Variants in FBF1 observed in about 807,000 individuals in gnomAD.
FBF1 encodes the protein Fas binding factor 1.
In FBF1, 119 loss-of-function variants were observed where a neutral mutation model predicts 147.2. The ratio of observed to expected loss-of-function variants is 0.81; its 90% CI spans 0.70 to 0.94. FBF1 has a LOEUF of 0.94. FBF1 is among the 40% of genes least tolerant of loss of function. The probability of loss-of-function intolerance (pLI) is 0.00; values close to 1 mark genes in which losing one functional copy is unlikely to be tolerated. For missense variants in FBF1, 1,449 were observed against 1,500.8 expected (o/e 0.97, Z 0.57); for synonymous variants, 601 against 609.0 (o/e 0.99, Z 0.19).
In FBF1 at chr17:75,915,002, G is replaced by C. The variant is rs535482231; in HGVS notation, c.2628+15C>G. The C allele has an allele frequency of 6.2e-7, 1 of 1,612,924 alleles. No homozygotes were observed. The highest frequency in any genetic ancestry group is 8.5e-7 in the Non-Finnish European group (1 of 1,179,670). On this transcript the variant is annotated intron_variant, in intron 24 of 29. Transcript: ENST00000636174. ...AATGGCAGGGGCAGGGGCTGAGTGC[G>C]GTGGCTTGACTCACCTTGGCCCGTT...
intron 1 of FBF1, among the ~76,000 whole-genome samples, chr17:75,940,355 C>T (rs1200473914): frequency 6.6e-6 from 1 of 151,936 alleles, no homozygotes; most frequent in African/African-American, 2.4e-5. Flanking sequence ...TGGGCTCAGG[C>T]GATCCTCCAA....
At position 75,919,990 on chromosome 17, in the gene FBF1, G is replaced by T. The variant is rs1460026328; in HGVS notation, c.1931+17C>A. The T allele has an allele frequency of 2.5e-6, 4 of 1,609,014 alleles. No individual in the cohort carries two copies. The highest frequency in any genetic ancestry group is 3.4e-6 in the Non-Finnish European group (4 of 1,177,422). On this transcript the variant is annotated intron_variant, in intron 19 of 29. Transcript: ENST00000636174. This position sits in a 1 kb window ranked among gnomAD's most constrained non-coding sequence, Gnocchi z 5.0. Reference sequence around the variant, plus strand: ...AGTGTGAGATCCAAGGCAGAGCTGGGGCCAGCGCCAGGGTACCTGTGTGCA... The same window carrying T: ...AGTGTGAGATCCAAGGCAGAGCTGGTGCCAGCGCCAGGGTACCTGTGTGCA...
At chr17:75,920,198 G>A in intron 18 of FBF1, 76 bp downstream of exon 18, 1 of 1,589,774 alleles carries the variant, frequency 6.3e-7, no homozygotes, top group Non-Finnish European at 8.6e-7. Context: ...CCCTCCTGGG[G>A]AAGCTTCCAG....
At chr17:75,924,881 T>G (rs2144176500) in intron 13 of FBF1, among the ~76,000 whole-genome samples, 1 of 152,298 alleles carries the variant, frequency 6.6e-6, no homozygotes, top group South Asian at 2.1e-4. Flanking sequence ...ATTTTTTTTT[T>G]TGTAAACTGA....
At chr17:75,916,825 G>A (rs2065491834) in intron 23 of FBF1, among the ~76,000 whole-genome samples, 1 of 152,166 alleles carries the variant, frequency 6.6e-6, no homozygotes, top group African/African-American at 2.4e-5. Flanking sequence ...ACCACACCCA[G>A]TTAATTAAAA....
Position 75,915,091 on chromosome 17 carries a change from G to A in FBF1, c.2554C>T (p.Arg852Cys), listed in dbSNP as rs565958072. The change falls in exon 24 of 30, where the codon CGC (arginine) becomes TGC (cysteine). Residue 852 changes from arginine (R) to cysteine (C), a missense_variant. Physicochemically the swap from Arg to Cys is radical, Grantham distance 180 (BLOSUM62 -3). Coordinates refer to ENST00000636174, the MANE Select transcript of FBF1 (RefSeq NM_001319193.2). ...ACCTTCCTTTGCTCCTCTAGGGCGC[G>A]CTGCATGGACTCCGCCTTGGACTGC... ...AEQSKAESMQ[R>C]ALEEQRKVTA... 3 of 1,612,664 alleles carry A rather than the reference G, an allele frequency of 1.9e-6. No individual in the cohort carries two copies. Among genetic ancestry groups the A allele is most frequent in the African/African-American group, 1.3e-5 (1 of 75,022 alleles).
intron 4 of FBF1, among the ~76,000 whole-genome samples, chr17:75,935,259 G>A (rs2144196036): frequency 6.6e-6 from 1 of 152,030 alleles, no homozygotes; most frequent in South Asian, 2.1e-4. Flanking sequence ...CCGCCTCCTG[G>A]GTTCAAGTGA....
chr17:75,921,760 G>C (rs117690091), intron 15 of FBF1, among the ~76,000 whole-genome samples, 185 bp downstream of exon 15: 2 of 148,068 alleles, frequency 1.4e-5, no homozygotes, highest in Non-Finnish European at 3.0e-5. Flanking sequence ...GGTGGGACAC[G>C]GGGATGGGGC....
intron 23 of FBF1, among the ~76,000 whole-genome samples, chr17:75,916,928 G>A (rs2065492460): frequency 6.6e-6 from 1 of 152,224 alleles, no homozygotes; most frequent in African/African-American, 2.4e-5. Context: ...TCCACTCACT[G>A]CAGCCTCTGT....
chr17:75,940,921 C>G lies in FBF1; in HGVS notation c.-157G>C, dbSNP rs1421486580. ...TCTCAGCCCCGGAAGCCTCCTGTTA[C>G]GCGCCGTGCCCCCGGAGGTGCGGCC... On this transcript the variant is annotated 5_prime_UTR_variant, in exon 1 of 30. Transcript: ENST00000636174. 6.5e-6 allele frequency: 1 copy of G among 153,166 alleles called. No homozygotes were observed. Among genetic ancestry groups the G allele is most frequent in the East Asian group, 1.9e-4 (1 of 5,196 alleles). The allele number at this position is 153,166 out of a possible 1,614,324, so 9.5% of individuals were successfully genotyped here.
intron 4 of FBF1, 141 bp downstream of exon 4, chr17:75,935,491 G>A (rs955522092): frequency 3.8e-6 from 3 of 797,234 alleles, no homozygotes; most frequent in Non-Finnish European, 5.8e-6. Context: ...AGTGGCTTAT[G>A]CCTGTAATCC....
intron 4 of FBF1, 70 bp from the exon 5 acceptor site, chr17:75,933,158 C>T: frequency 8.1e-7 from 1 of 1,228,758 alleles, no homozygotes; most frequent in Non-Finnish European, 1.2e-6. Flanking sequence ...CAAAGGCTGG[C>T]AAGCTCCCTT....
rs540560428 is a variant in FBF1, at chr17:75,910,125, C to G, written c.*598G>C. The G allele has an allele frequency of 1.8e-4, 87 of 495,078 alleles. No homozygotes were observed. The highest frequency in any genetic ancestry group is 1.4e-3 in the South Asian group (86 of 59,996). 30.7% of individuals were successfully genotyped at this position (495,078 alleles called of 1,614,324 possible). A position where few individuals can be genotyped will look rare whatever the true frequency, so the allele number is the denominator to read the frequency against. ...AAACTGGTTGGTCCTTCGGGCAATGCTGGGAATAGGGTGGGGGCTCTGGGC... is the reference window on the plus strand; with the variant it reads ...AAACTGGTTGGTCCTTCGGGCAATGGTGGGAATAGGGTGGGGGCTCTGGGC... On this transcript the variant is annotated 3_prime_UTR_variant, in exon 30 of 30. Coordinates refer to ENST00000636174, the MANE Select transcript of FBF1 (RefSeq NM_001319193.2). The surrounding 1 kb of genome is among the most constrained non-coding windows in gnomAD (Gnocchi z 4.1).
At position 75,937,744 on chromosome 17, in the gene FBF1, CTA is replaced by C; in HGVS notation, c.4-153_4-152del. The stretch of plus-strand genomic sequence containing the variant: ...AGAGATGTAAGTCCTTTATGTGTTC[CTA>C]TAGTTTCTGAGAACGGACTCATTCA... On this transcript the variant is annotated intron_variant, in intron 2 of 29. Coordinates refer to ENST00000636174, the MANE Select transcript of FBF1 (RefSeq NM_001319193.2). 1.3e-5 allele frequency: 11 copies of C among 824,066 alleles called. No homozygotes were observed. In the South Asian group the frequency reaches 1.5e-4, roughly 11 times the overall value. The allele number at this position is 824,066 out of a possible 1,614,324, so 51.0% of individuals were successfully genotyped here.
Position 75,914,132 on chromosome 17 carries a change from C to T in FBF1, c.2981G>A (p.Ser994Asn), listed in dbSNP as rs745639394. The T allele has an allele frequency of 1.2e-6, 2 of 1,601,398 alleles. No individual in the cohort carries two copies. The highest frequency in any genetic ancestry group is 1.7e-5 in the Admixed American group (1 of 58,972). ...RVKLRAEEVE[S>N]MSKVASEKYE... is the part of the protein sequence containing the mutation. ...GTGCCCGAGCAGCACCTTGCTCATG[C>T]TCTCCACCTCCTCGGCGCGGAGCTT... The change falls in exon 26 of 30, where the codon AGC becomes AAC. Residue 994 changes from serine to asparagine, a missense_variant. Ser to Asn is a conservative substitution (Grantham distance 46, BLOSUM62 1). Coordinates refer to ENST00000636174, the MANE Select transcript of FBF1 (RefSeq NM_001319193.2).
intron 3 of FBF1, 25 bp from the exon 4 acceptor site, chr17:75,935,698 G>A: frequency 6.5e-7 from 1 of 1,534,560 alleles, no homozygotes. Flanking sequence ...GGACTGTCAT[G>A]ACTTCAGGAG....
rs201756878 is a variant in FBF1, at chr17:75,923,216, G to A, written c.1394C>T (p.Ala465Val). ...HAGTSEGLHL[A>V]GTAGHPPSGS... ...AGAAGGGGGATGGCCCGCTGTCCCC[G>A]CCAAATGCAGGCCCTCAGAGGTCCC... The change falls in exon 14 of 30, where the codon GCG becomes GTG. Residue 465 changes from alanine (A) to valine (V), a missense_variant. Transcript: ENST00000636174. This position sits in a 1 kb window ranked among gnomAD's most constrained non-coding sequence, Gnocchi z 4.1. The A allele has an allele frequency of 4.2e-4, 674 of 1,590,368 alleles. 1 individual carries two copies. Among genetic ancestry groups the A allele is most frequent in the Non-Finnish European group, 5.4e-4 (627 of 1,169,056 alleles).
intron 4 of FBF1, among the ~76,000 whole-genome samples, chr17:75,933,439 G>A (rs946897963): frequency 1.3e-5 from 2 of 152,194 alleles, no homozygotes; most frequent in Non-Finnish European, 2.9e-5. Context: ...GTGGTGGTGG[G>A]TGCCTGTAAT....
rs1214210995 is a variant in FBF1 at position 75,930,093 on chromosome 17, G to A, written c.229-46C>T. 6.2e-6 allele frequency: 9 copies of A among 1,457,754 alleles called. No individual in the cohort carries two copies. The Admixed American group carries it at 9.8e-5, about 16-fold the overall frequency. 90.3% of individuals were successfully genotyped at this position (1,457,754 alleles called of 1,614,324 possible). A position where few individuals can be genotyped will look rare whatever the true frequency, so the allele number is the denominator to read the frequency against. ...AGGACACAGATGAGGAGGCACATTA[G>A]TCAAGGCCCAATAAAACTCAGGGTC... On this transcript the variant is annotated intron_variant, in intron 6 of 29. Coordinates refer to ENST00000636174, the MANE Select transcript of FBF1 (RefSeq NM_001319193.2).
Sources: gnomAD v4.1 joint callset for allele counts (sites outside exome capture counted in the v4.1 genomes callset) on GRCh38, gnomAD v4.1.1 for gene constraint, Gnocchi (gnomAD v3.1) non-coding constraint, MANE v1.5 for transcripts, NCBI Gene and HGNC (gene_info 2026-07-23, HGNC 2026-07-21) for gene names.